STMN2: variants seen among roughly 807,000 people sequenced by gnomAD.
STMN2 encodes the protein stathmin 2.
A neutral mutation model predicts 24.1 loss-of-function variants in STMN2; 2 were observed. The observed-to-expected ratio is 0.08, with a 90% CI of 0.03 to 0.26. STMN2 has a LOEUF of 0.26. STMN2 is among the 10% of genes least tolerant of loss of function. The pLI is 1.00. For synonymous variants in STMN2, 83 were observed against 77.5 expected, an observed-to-expected ratio of 1.07 and a Z score of -0.37; for missense variants, 114 against 213.6, an observed-to-expected ratio of 0.53 and a Z score of 2.91.
intron 3 of STMN2, among the ~76,000 whole-genome samples, chr8:79,649,819 A>G (rs1810294462): frequency 6.6e-6 from 1 of 152,212 alleles, no homozygotes; most frequent in Non-Finnish European, 1.5e-5. Context: ...CTTCCACTCC[A>G]TTTGTATAGT....
chr8:79,664,926 T>C lies in STMN2; in HGVS notation c.*52T>C. ...CCAATAGTAAATCCCCCTGCCTATA[T>C]TATAATGGATCATGCGATATCAGGA... On this transcript the variant is annotated 3_prime_UTR_variant, in exon 5 of 5. Transcript: ENST00000220876. 1 of 1,546,018 alleles carries C rather than the reference T, an allele frequency of 6.5e-7. No individual in the cohort carries two copies. The highest frequency in any genetic ancestry group is 8.9e-7 in the Non-Finnish European group (1 of 1,128,658).
At chr8:79,658,980 A>T (rs1806441513) in intron 4 of STMN2, among the ~76,000 whole-genome samples, 1 of 152,248 alleles carries the variant, frequency 6.6e-6, no homozygotes, top group Non-Finnish European at 1.5e-5. Context: ...GTAGGCTCTA[A>T]TATTTAGCCG....
intron 3 of STMN2, among the ~76,000 whole-genome samples, chr8:79,646,799 T>C (rs540179963): frequency 1.6e-4 from 25 of 152,190 alleles, no homozygotes; most frequent in African/African-American, 6.0e-4. Context: ...AAGGGGGAGA[T>C]GACTAGAAAA....
chr8:79,623,588 G>C (rs1404362712), intron 1 of STMN2, among the ~76,000 whole-genome samples: 2 of 152,130 alleles, frequency 1.3e-5, no homozygotes, highest in African/African-American at 4.8e-5. Flanking sequence ...TACTGTTGAT[G>C]ATAATCTGCA....
chr8:79,655,080 C>A lies in STMN2; in HGVS notation c.480+18C>A. The stretch of plus-strand genomic sequence containing the variant: ...AGGAAAAGGTAATCTCAGCAGAGTC[C>A]TGAGCAGATGGATATATTCATATGC... On this transcript the variant is annotated intron_variant, in intron 4 of 4. Coordinates refer to ENST00000220876, the MANE Select transcript of STMN2 (RefSeq NM_007029.4). The A allele has an allele frequency of 6.2e-7, 1 of 1,612,694 alleles. No homozygotes were observed. The highest frequency in any genetic ancestry group is 1.1e-5 in the South Asian group (1 of 90,930).
chr8:79,611,186 C>T lies in STMN2; in HGVS notation c.-10C>T. The stretch of plus-strand genomic sequence containing the variant: ...CCTTCGCCACTGCTCAGCGTCTGCA[C>T]ATCCCTACAATGGCTAAAACAGCAA... On this transcript the variant is annotated 5_prime_UTR_variant, in exon 1 of 5. Transcript: ENST00000220876. 2 of 1,614,124 alleles carry T rather than the reference C, an allele frequency of 1.2e-6. No individual in the cohort carries two copies. Among genetic ancestry groups the T allele is most frequent in the Non-Finnish European group, 1.7e-6 (2 of 1,180,040 alleles).
At chr8:79,655,149 A>T in intron 4 of STMN2, 87 bp downstream of exon 4, 1 of 1,500,504 alleles carries the variant, frequency 6.7e-7, no homozygotes, top group Non-Finnish European at 9.0e-7. Flanking sequence ...ACAGAGACGA[A>T]GTCAAAATTT....
chr8:79,663,731 A>G lies in STMN2; in HGVS notation c.481-1084A>G, dbSNP rs953208264. 3.2e-5 allele frequency: 40 copies of G among 1,262,590 alleles called. No homozygotes were observed. The Admixed American group carries it at 9.5e-4, about 30-fold the overall frequency. 78.2% of individuals were successfully genotyped at this position (1,262,590 alleles called of 1,614,324 possible). On this transcript the variant is annotated intron_variant, in intron 4 of 4. Coordinates refer to ENST00000220876, the MANE Select transcript of STMN2 (RefSeq NM_007029.4). ...AGCATCTTAAAATTTCAATTCAATG[A>G]ACATTTATTTAGCGCCTATGATATA... is the stretch of plus-strand genomic sequence containing the variant.
chr8:79,642,153 T>C lies in STMN2; in HGVS notation c.288+603T>C, dbSNP rs115712960. ...AAGATCAGGACCTTCTCTGAGTTCT[T>C]TGAATATGTTCTTTATCTTTTTCTA... On this transcript the variant is annotated intron_variant, in intron 3 of 4. Coordinates refer to ENST00000220876, the MANE Select transcript of STMN2 (RefSeq NM_007029.4). Among the ~76,000 whole-genome samples the C allele has an allele frequency of 1.9e-3, 287 of 152,346 alleles. 2 individuals carry two copies. The highest frequency in any genetic ancestry group is 6.7e-3 in the African/African-American group (277 of 41,586).
chr8:79,664,113 C>T (rs761244475), intron 4 of STMN2, among the ~76,000 whole-genome samples: 2 of 152,162 alleles, frequency 1.3e-5, no homozygotes, highest in Non-Finnish European at 2.9e-5. Context: ...AAGATTTATG[C>T]AGGTGTTCAA....
At chr8:79,650,053 G>C (rs1371875325) in intron 3 of STMN2, among the ~76,000 whole-genome samples, 2 of 152,144 alleles carry the variant, frequency 1.3e-5, no homozygotes, top group Admixed American at 1.3e-4. Flanking sequence ...TAGCAAGATC[G>C]AGAAGGTTCT....
chr8:79,649,563 A>G (rs1247931811), intron 3 of STMN2, among the ~76,000 whole-genome samples: 1 of 152,192 alleles, frequency 6.6e-6, no homozygotes, highest in Non-Finnish European at 1.5e-5. Context: ...CAGTAAAGTC[A>G]ATAATTACAG....
chr8:79,615,144 G>T (rs1809354047), intron 1 of STMN2, among the ~76,000 whole-genome samples: 1 of 152,256 alleles, frequency 6.6e-6, no homozygotes, highest in Non-Finnish European at 1.5e-5. Context: ...AACTAACAAT[G>T]AAGTGGAGGA....
rs760073634 is a variant in STMN2 at position 79,636,836 on chromosome 8, G to A, written c.54G>A (p.Leu18=). Residue 18 remains leucine, a synonymous_variant, in exon 2 of 5, where the codon CTG becomes CTA. Coordinates refer to ENST00000220876, the MANE Select transcript of STMN2 (RefSeq NM_007029.4). The part of the protein sequence containing the change: ...YKEKMKELSM[L]SLICSCFYPE... ...AAAAAATGAAGGAGCTGTCCATGCT[G>A]TCACTGATCTGCTCTTGCTTTTACC... The A allele has an allele frequency of 1.1e-5, 18 of 1,613,818 alleles. No homozygotes were observed. In the South Asian group the frequency reaches 1.3e-4, roughly 12 times the overall value.
chr8:79,651,936 G>C (rs1418203058), intron 3 of STMN2, among the ~76,000 whole-genome samples: 1 of 152,180 alleles, frequency 6.6e-6, no homozygotes, highest in Non-Finnish European at 1.5e-5. Flanking sequence ...AAAAATCCAG[G>C]TGGATCCTAT....
chr8:79,649,505 G>T (rs1310771262), intron 3 of STMN2, among the ~76,000 whole-genome samples: 1 of 151,878 alleles, frequency 6.6e-6, no homozygotes, highest in Non-Finnish European at 1.5e-5. Context: ...ATTTCAACAG[G>T]ACATTATTTG....
chr8:79,664,990 A>G lies in STMN2; in HGVS notation c.*116A>G, dbSNP rs78006622. On this transcript the variant is annotated 3_prime_UTR_variant, in exon 5 of 5. Transcript: ENST00000220876. The stretch of plus-strand genomic sequence containing the variant: ...ACATGGTTTAAAAAGAACTCATTAT[A>G]AAAAAAAAAAAACAAAAAAAATCAA... 1 of 428,048 alleles carries G rather than the reference A, an allele frequency of 2.3e-6. No homozygotes were observed. Among genetic ancestry groups the G allele is most frequent in the Non-Finnish European group, 3.4e-6 (1 of 298,222 alleles). The allele number at this position is 428,048 out of a possible 1,614,324, so 26.5% of individuals were successfully genotyped here.
chr8:79,634,553 C>T (rs1809894673), intron 1 of STMN2, among the ~76,000 whole-genome samples: 1 of 152,262 alleles, frequency 6.6e-6, no homozygotes, highest in South Asian at 2.1e-4. Flanking sequence ...CACATTGAAC[C>T]TCATCCTAAA....
chr8:79,659,209 G>C (rs1399134568), intron 4 of STMN2, among the ~76,000 whole-genome samples: 2 of 152,206 alleles, frequency 1.3e-5, no homozygotes, highest in Non-Finnish European at 2.9e-5. Flanking sequence ...AGAAGGCTGT[G>C]GGAGAAGGGA....
Sources: gnomAD v4.1 joint callset for allele counts (sites outside exome capture counted in the v4.1 genomes callset) on GRCh38, gnomAD v4.1.1 for gene constraint, MANE v1.5 for transcripts, NCBI Gene and HGNC (gene_info 2026-07-23, HGNC 2026-07-21) for gene names.